The following SLC36A1 variants were observed in gnomAD, a reference collection of about 807,000 sequenced individuals.
The protein encoded by SLC36A1 is solute carrier family 36 member 1.
Under a neutral mutation model 47.5 loss-of-function variants are expected in SLC36A1, and 30 were observed. That is an observed-to-expected ratio of 0.63 (90% CI 0.47 to 0.86). SLC36A1 has a LOEUF of 0.86. Among genes scored for constraint, SLC36A1 ranks in the 40% least tolerant of loss-of-function variants. The pLI, the probability that SLC36A1 is intolerant of heterozygous loss-of-function variation, is 0.00. For missense variants in SLC36A1, 517 were observed against 606.0 expected, an observed-to-expected ratio of 0.85 and a Z score of 1.54; for synonymous variants, 255 against 249.7, an observed-to-expected ratio of 1.02 and a Z score of -0.20.
intron 8 of SLC36A1, among the ~76,000 whole-genome samples, chr5:151,474,658 T>C (rs1225500943): frequency 2.6e-5 from 4 of 152,204 alleles, no homozygotes; most frequent in Non-Finnish European, 4.4e-5. Context: ...GTTTGGTGTA[T>C]TTTCTGCGTG....
the SLC36A1 span, among the ~76,000 whole-genome samples, chr5:151,513,708 G>A: frequency 6.6e-6 from 1 of 151,996 alleles, no homozygotes; most frequent in African/African-American, 2.4e-5. Flanking sequence ...TCGGTTACCC[G>A]TATAACAAAC....
At chr5:151,390,955 G>A in the SLC36A1 span, among the ~76,000 whole-genome samples, 1 of 152,174 alleles carries the variant, frequency 6.6e-6, no homozygotes, top group South Asian at 2.1e-4. Context: ...AAAGTCATTG[G>A]TAGCTTGACG....
the SLC36A1 span, among the ~76,000 whole-genome samples, chr5:151,349,680 C>A: frequency 1.3e-5 from 2 of 152,166 alleles, no homozygotes; most frequent in African/African-American, 4.8e-5. Context: ...CACTAGACAT[C>A]TCCAAAAAGA....
chr5:151,482,106 T>G (rs1758877329), intron 10 of SLC36A1, among the ~76,000 whole-genome samples: 1 of 152,236 alleles, frequency 6.6e-6, no homozygotes, highest in South Asian at 2.1e-4. Context: ...CTGTTCAGAC[T>G]GGAATGCAGA....
chr5:151,544,778 G>A, the SLC36A1 span: 8 of 1,614,006 alleles, frequency 5.0e-6, no homozygotes, highest in Non-Finnish European at 6.8e-6. Flanking sequence ...GGGTCAATTC[G>A]GAAATATGTG....
intron 7 of SLC36A1, among the ~76,000 whole-genome samples, chr5:151,473,174 CTAGATAGA>C (rs71575106): frequency 0.12 from 16,236 of 131,880 alleles, 1,114 homozygotes; most frequent in African/African-American, 0.21. Context: ...GACTCTGTCT[CTAGATAGA>C]TAGATAGATA....
intron 2 of SLC36A1, among the ~76,000 whole-genome samples, chr5:151,463,096 G>A (rs2127483294): frequency 6.6e-6 from 1 of 152,138 alleles, no homozygotes; most frequent in South Asian, 2.1e-4. Flanking sequence ...GGCTGGTCTC[G>A]AACTCCTGAC....
chr5:151,468,275 A>ATATATATATATATATATATATTT (rs1561759824), intron 7 of SLC36A1, among the ~76,000 whole-genome samples: 5 of 95,674 alleles, frequency 5.2e-5, no homozygotes, highest in African/African-American at 2.4e-4. Context: ...AAATATATAT[A>ATATATATATATATATATATATTT]TATATATATA....
chr5:151,510,011 C>T, the SLC36A1 span: 1 of 1,613,146 alleles, frequency 6.2e-7, no homozygotes, highest in South Asian at 1.1e-5. Context: ...GTGGCCTCTC[C>T]TGGGATTACC....
the SLC36A1 span, among the ~76,000 whole-genome samples, chr5:151,425,878 C>T: frequency 6.6e-6 from 1 of 151,958 alleles, no homozygotes; most frequent in Non-Finnish European, 1.5e-5. Context: ...TCCTGTGACC[C>T]CTGAAGTCCC....
chr5:151,543,407 T>C, the SLC36A1 span: 1 of 1,614,174 alleles, frequency 6.2e-7, no homozygotes, highest in Non-Finnish European at 8.5e-7. Flanking sequence ...TCTGTGAGGA[T>C]GATCTTCACC....
the SLC36A1 span, chr5:151,543,429 T>C: frequency 6.2e-7 from 1 of 1,614,176 alleles, no homozygotes; most frequent in Non-Finnish European, 8.5e-7. Context: ...TGCAGAAGGC[T>C]ACTCTTCCTC....
At chr5:151,514,319 C>T in the SLC36A1 span, among the ~76,000 whole-genome samples, 566 of 152,272 alleles carry the variant, frequency 3.7e-3, 1 homozygote, top group African/African-American at 0.013. Flanking sequence ...GTTGATCCCA[C>T]CGTCTTTTCA....
At chr5:151,534,501 C>A in the SLC36A1 span, 1 of 1,614,094 alleles carries the variant, frequency 6.2e-7, no homozygotes, top group South Asian at 1.1e-5. Context: ...GGGGAAGAAC[C>A]GCGGGGCATT....
At chr5:151,498,644 C>T in the SLC36A1 span, among the ~76,000 whole-genome samples, 1 of 152,192 alleles carries the variant, frequency 6.6e-6, no homozygotes, top group Non-Finnish European at 1.5e-5. Flanking sequence ...TCTTTTGACT[C>T]CAGCCTGCTT....
At chr5:151,473,132 G>A (rs546174141) in intron 7 of SLC36A1, among the ~76,000 whole-genome samples, 5 of 152,082 alleles carry the variant, frequency 3.3e-5, no homozygotes, top group East Asian at 1.9e-4. Flanking sequence ...CCGAGATCTC[G>A]CCACTGCACG....
chr5:151,354,912 A>G, the SLC36A1 span, among the ~76,000 whole-genome samples: 1 of 152,158 alleles, frequency 6.6e-6, no homozygotes, highest in Admixed American at 6.5e-5. Flanking sequence ...ATTACCAGAA[A>G]AAAGGAGGCT....
the SLC36A1 span, among the ~76,000 whole-genome samples, chr5:151,555,706 G>T: frequency 1.3e-5 from 2 of 152,160 alleles, no homozygotes; most frequent in South Asian, 2.1e-4. Flanking sequence ...AAAAGAATGT[G>T]CAGAGCCTGG....
chr5:151,540,803 G>A, the SLC36A1 span: 4 of 1,566,684 alleles, frequency 2.6e-6, no homozygotes, highest in South Asian at 2.3e-5. Flanking sequence ...CCAAGCAATA[G>A]GAATGAACTA....
Sources: gnomAD v4.1 joint callset for allele counts (sites outside exome capture counted in the v4.1 genomes callset) on GRCh38, gnomAD v4.1.1 for gene constraint, MANE v1.5 for transcripts, NCBI Gene and HGNC (gene_info 2026-07-23, HGNC 2026-07-21) for gene names.